Variants in FILIP1L observed in about 807,000 individuals in gnomAD.
The protein encoded by FILIP1L is filamin A-interacting protein 1-like.
In FILIP1L, 55 loss-of-function variants were observed where a neutral mutation model predicts 96.6. The observed-to-expected ratio is 0.57, with a 90% CI of 0.46 to 0.71. FILIP1L has a LOEUF of 0.71. FILIP1L is among the 30% of genes least tolerant of loss of function. The pLI, the probability that FILIP1L is intolerant of heterozygous loss-of-function variation, is 0.00. For missense variants in FILIP1L, 1,304 were observed against 1,321.2 expected (o/e 0.99, Z 0.20); for synonymous variants, 467 against 473.9 (o/e 0.99, Z 0.19).
chr3:100,025,519 A>G (rs1168668669), intron 1 of FILIP1L: 9 of 152,182 alleles, frequency 5.9e-5, no homozygotes, highest in Non-Finnish European at 1.0e-4. Context: ...TAGGATGAAT[A>G]CGAAGGAACG....
intron 1 of FILIP1L, among the ~76,000 whole-genome samples, chr3:99,984,131 A>G (rs1709261874): frequency 1.3e-5 from 2 of 151,878 alleles, no homozygotes; most frequent in African/African-American, 2.4e-5. Context: ...TAATTGATCC[A>G]TAGTTCTGGA....
In FILIP1L at chr3:99,959,991, G is replaced by A. The variant is rs114735395; in HGVS notation, c.-10-28961C>T. ...GAAAAAAAGATGGGAGTTAGGCCTAGCTGTTCCTTTCACCTTTCCTCCTTT... is the reference window on the plus strand; with the variant it reads ...GAAAAAAAGATGGGAGTTAGGCCTAACTGTTCCTTTCACCTTTCCTCCTTT... On this transcript the variant is annotated intron_variant, in intron 1 of 5. Transcript: ENST00000477258. Among the ~76,000 whole-genome samples the A allele has an allele frequency of 4.5e-3, 687 of 152,262 alleles. 7 individuals are homozygous for A. Among genetic ancestry groups the A allele is most frequent in the African/African-American group, 0.016 (670 of 41,556 alleles).
Position 99,936,210 on chromosome 3 carries a change from C to T in FILIP1L, c.-10-5180G>A, listed in dbSNP as rs553469535. 5.3e-5 allele frequency among the ~76,000 whole-genome samples: 8 copies of T among 151,578 alleles called. No individual in the cohort carries two copies. The South Asian group carries it at 1.5e-3, about 28-fold the overall frequency. On this transcript the variant is annotated intron_variant, in intron 1 of 5. Transcript: ENST00000477258. ...TGGTCTTGGTCATTTAATATGGTAT[C>T]GAGGTAGCCAAGCAAAACTACTCCA...
intron 1 of FILIP1L, among the ~76,000 whole-genome samples, chr3:99,972,712 A>G (rs565179481): frequency 1.3e-5 from 2 of 152,368 alleles, no homozygotes; most frequent in South Asian, 2.1e-4. Context: ...TGGGAAAGCC[A>G]GAGCTTTACC....
At chr3:100,069,606 G>C (rs911704669) in intron 1 of FILIP1L, among the ~76,000 whole-genome samples, 2 of 152,142 alleles carry the variant, frequency 1.3e-5, no homozygotes, top group African/African-American at 4.8e-5. Context: ...TGAGGCACCA[G>C]ACAGTTTATA....
At chr3:100,067,693 G>T (rs1031850221) in intron 1 of FILIP1L, among the ~76,000 whole-genome samples, 2 of 152,068 alleles carry the variant, frequency 1.3e-5, no homozygotes, top group Admixed American at 1.3e-4. Flanking sequence ...ACTGATTAAT[G>T]ATTAACTAGT....
At chr3:99,929,716 G>T in intron 3 of FILIP1L, 140 bp downstream of exon 3, 2 of 553,854 alleles carry the variant, frequency 3.6e-6, no homozygotes, top group Non-Finnish European at 5.9e-6. Flanking sequence ...TGAACTTGTC[G>T]TATTTATCTG....
intron 4 of FILIP1L, among the ~76,000 whole-genome samples, chr3:99,908,708 A>G (rs1336649002): frequency 1.3e-5 from 2 of 152,246 alleles, no homozygotes; most frequent in Non-Finnish European, 2.9e-5. Context: ...GGAGGATTAA[A>G]TGAGATAATC....
rs1417222219 is a variant in FILIP1L at position 99,983,398 on chromosome 3, A to G, written c.-10-52368T>C. On this transcript the variant is annotated intron_variant, in intron 1 of 5. Coordinates refer to ENST00000477258, the MANE Select transcript of FILIP1L (RefSeq NM_001387850.1). The stretch of plus-strand genomic sequence containing the variant: ...AAAAAATAAATAAATAAATATATAT[A>G]TATATATATATATATATATATGTAT... 2.3e-4 allele frequency among the ~76,000 whole-genome samples: 25 copies of G among 109,856 alleles called. 1 individual carries two copies. Among genetic ancestry groups the G allele is most frequent in the South Asian group, 8.8e-4 (3 of 3,400 alleles). 72.1% of individuals were successfully genotyped at this position (109,856 alleles called of 152,430 possible). A position where few individuals can be genotyped will look rare whatever the true frequency, so the allele number is the denominator to read the frequency against.
At chr3:100,105,151 C>T (rs1288327441) in intron 1 of FILIP1L, among the ~76,000 whole-genome samples, 1 of 152,168 alleles carries the variant, frequency 6.6e-6, no homozygotes, top group Non-Finnish European at 1.5e-5. Flanking sequence ...CCTCTAACAG[C>T]ATACAAACAT....
At chr3:99,959,062 A>T (rs1265816697) in intron 1 of FILIP1L, among the ~76,000 whole-genome samples, 1 of 152,198 alleles carries the variant, frequency 6.6e-6, no homozygotes, top group African/African-American at 2.4e-5. Flanking sequence ...AATGTAACAG[A>T]ATTTGAAAAC....
intron 4 of FILIP1L, among the ~76,000 whole-genome samples, chr3:99,857,204 C>T (rs910290310): frequency 1.3e-5 from 2 of 151,060 alleles, no homozygotes; most frequent in African/African-American, 4.9e-5. Context: ...TAATATTTAC[C>T]ATGTACATGT....
At chr3:99,955,236 A>G (rs1708288040) in intron 1 of FILIP1L, among the ~76,000 whole-genome samples, 1 of 152,214 alleles carries the variant, frequency 6.6e-6, no homozygotes, top group Non-Finnish European at 1.5e-5. Flanking sequence ...ATAAAGTGGC[A>G]TGCTCACACA....
At chr3:99,894,289 G>C (rs1021612341) in intron 4 of FILIP1L, among the ~76,000 whole-genome samples, 1 of 152,198 alleles carries the variant, frequency 6.6e-6, no homozygotes, top group African/African-American at 2.4e-5. Context: ...GTAAGAGAAG[G>C]TGGCACTTAG....
intron 1 of FILIP1L, among the ~76,000 whole-genome samples, chr3:100,100,879 A>C (rs1241358774): frequency 6.6e-6 from 1 of 152,174 alleles, no homozygotes; most frequent in Non-Finnish European, 1.5e-5. Flanking sequence ...GAGGAAGATC[A>C]GTTTTTCCTG....
intron 1 of FILIP1L, among the ~76,000 whole-genome samples, chr3:99,971,110 G>A (rs1156295310): frequency 2.0e-5 from 3 of 152,184 alleles, no homozygotes; most frequent in Non-Finnish European, 4.4e-5. Context: ...GGCCAAGGCG[G>A]GCGGATCACT....
intron 1 of FILIP1L, among the ~76,000 whole-genome samples, chr3:100,016,071 A>G (rs1710329493): frequency 6.6e-6 from 1 of 152,204 alleles, no homozygotes; most frequent in African/African-American, 2.4e-5. Flanking sequence ...TATTATTCAC[A>G]ACACTTCATT....
Position 99,841,129 on chromosome 3 carries a change from GAA to G in FILIP1L, c.3381+7164_3381+7165del, listed in dbSNP as rs1943111550. Among the ~76,000 whole-genome samples the G allele has an allele frequency of 2.6e-5, 4 of 152,320 alleles. No individual in the cohort carries two copies. The South Asian group carries it at 8.3e-4, about 32-fold the overall frequency. ...GATTGTGTACATGTGATGCTTTGAA[GAA>G]AACATATTGCATACTAAGACACTGC... On this transcript the variant is annotated intron_variant, in intron 5 of 5. Transcript: ENST00000477258.
At chr3:100,029,866 A>G (rs1278821951) in intron 1 of FILIP1L, among the ~76,000 whole-genome samples, 1 of 152,204 alleles carries the variant, frequency 6.6e-6, no homozygotes, top group Non-Finnish European at 1.5e-5. Context: ...AACAGTCAAA[A>G]TAAAATCAAA....
Sources: allele counts gnomAD v4.1 joint callset (sites outside exome capture counted in the v4.1 genomes callset), GRCh38; gene constraint gnomAD v4.1.1; transcripts MANE v1.5; gene names NCBI Gene and HGNC (gene_info 2026-07-23, HGNC 2026-07-21).